HUWE1: variants seen among roughly 807,000 people sequenced by gnomAD.
HUWE1 encodes the protein HECT, UBA and WWE domain containing E3 ubiquitin protein ligase 1, also known as E3 ubiquitin-protein ligase HUWE1.
In HUWE1, 18 loss-of-function variants were observed where a neutral mutation model predicts 299.4. The observed-to-expected ratio is 0.06, with a 90% CI of 0.04 to 0.09. The LOEUF is 0.09. Ranked by LOEUF, HUWE1 falls within the 10% of genes least tolerant of loss-of-function variation. HUWE1 has a pLI of 1.00. For synonymous variants in HUWE1, 1,317 were observed against 1,286.1 expected, an observed-to-expected ratio of 1.02 and a Z score of -0.51; for missense variants, 1,832 against 3,462.3, an observed-to-expected ratio of 0.53 and a Z score of 11.82.
chrX:53,569,576 T>G (rs966722574), intron 48 of HUWE1, 40 bp downstream of exon 48: 2 of 1,136,209 alleles, frequency 1.8e-6, no homozygotes, highest in African/African-American at 3.6e-5. Flanking sequence ...AATAAGGGGA[T>G]GTTCTTGGCT....
At chrX:53,644,649 C>G (rs1190868170) in intron 7 of HUWE1, among the ~76,000 whole-genome samples, 1 of 111,849 alleles carries the variant, frequency 8.9e-6, no homozygotes, top group Non-Finnish European at 1.9e-5. Flanking sequence ...ATCATGGCAC[C>G]TGAATTAGCC....
intron 61 of HUWE1, among the ~76,000 whole-genome samples, chrX:53,554,157 T>A (rs1247958589): frequency 9.0e-6 from 1 of 111,094 alleles, no homozygotes; most frequent in Non-Finnish European, 1.9e-5. Context: ...ACTTACAGAG[T>A]GACTTGGGCT....
intron 61 of HUWE1, among the ~76,000 whole-genome samples, chrX:53,553,496 A>G (rs1556931317): frequency 9.4e-6 from 1 of 106,881 alleles, no homozygotes; most frequent in Non-Finnish European, 1.9e-5. Context: ...GCACGTGCAT[A>G]TCCCTGTAGT....
intron 19 of HUWE1, among the ~76,000 whole-genome samples, chrX:53,621,464 G>C (rs907847983): frequency 9.3e-6 from 1 of 107,442 alleles, no homozygotes; most frequent in Non-Finnish European, 1.9e-5. Context: ...TCTCAAGTGC[G>C]AGCCTAGGGC....
chrX:53,555,241 G>A (rs996029784), intron 60 of HUWE1, among the ~76,000 whole-genome samples: 1 of 111,887 alleles, frequency 8.9e-6, no homozygotes, highest in Non-Finnish European at 1.9e-5. Context: ...TGACCTATAG[G>A]TACACAGAAA....
intron 2 of HUWE1, among the ~76,000 whole-genome samples, chrX:53,680,973 T>C (rs782133313): frequency 9.0e-6 from 1 of 111,433 alleles, no homozygotes; most frequent in East Asian, 2.8e-4. Flanking sequence ...CAGCTAATTG[T>C]GGGATGGTTA....
intron 7 of HUWE1, among the ~76,000 whole-genome samples, chrX:53,643,881 T>G (rs1290586922): frequency 8.9e-6 from 1 of 111,846 alleles, no homozygotes. Flanking sequence ...TAGAATGCAG[T>G]AGCACGATCC....
Position 53,550,776 on chromosome X carries a change from G to T in HUWE1, c.9386-8C>A. 1 of 1,206,497 alleles carries T rather than the reference G, an allele frequency of 8.3e-7. No homozygotes were observed. The highest frequency in any genetic ancestry group is 1.8e-5 in the South Asian group (1 of 56,805). ...TTAAGCGACTGGTGAAAGCTGGAAG[G>T]AAAGAAAAAGAAAACTGAGATTGTG... On this transcript the variant is annotated splice_region_variant and splice_polypyrimidine_tract_variant and intron_variant, in intron 65 of 83. Transcript: ENST00000262854.
At chrX:53,554,304 C>T (rs922058584) in intron 61 of HUWE1, among the ~76,000 whole-genome samples, 1 of 110,309 alleles carries the variant, frequency 9.1e-6, no homozygotes, top group Non-Finnish European at 1.9e-5. Context: ...AATGATCCCC[C>T]TGCCTCAGCC....
intron 68 of HUWE1, among the ~76,000 whole-genome samples, chrX:53,547,144 T>G (rs189773366): frequency 4.5e-5 from 5 of 112,246 alleles, no homozygotes; most frequent in Non-Finnish European, 7.5e-5. Context: ...CTTCCAACTA[T>G]TCCCCCACCA....
chrX:53,591,231 G>C, intron 33 of HUWE1, 109 bp from the exon 34 acceptor site: 1 of 901,851 alleles, frequency 1.1e-6, no homozygotes, highest in Non-Finnish European at 1.6e-6. Flanking sequence ...CTTCATCTGG[G>C]CTGAGAGCAT....
intron 83 of HUWE1, chrX:53,533,696 T>C: frequency 4.6e-6 from 2 of 438,011 alleles, no homozygotes; most frequent in Non-Finnish European, 8.0e-6. Flanking sequence ...TCAGAGTCAC[T>C]GGTAATCGGA....
In HUWE1 at chrX:53,536,174, T is replaced by C. The variant is rs782208503; in HGVS notation, c.12504A>G (p.Leu4168=). 1 of 1,198,656 alleles carries C rather than the reference T, an allele frequency of 8.3e-7. No individual in the cohort carries two copies. Among genetic ancestry groups the C allele is most frequent in the South Asian group, 1.8e-5 (1 of 56,477 alleles). Residue 4168 remains leucine, a synonymous_variant, in exon 80 of 84, where the codon CTA becomes CTG. Coordinates refer to ENST00000262854, the MANE Select transcript of HUWE1 (RefSeq NM_031407.7). ...VYLLENDVST[L]GYDLTFSTEV... ...CAGTGCTGAAGGTGAGGTCATAGCC[T>C]AGTGTGGAGACATCATTTTCCAGCA...
Position 53,548,259 on chromosome X carries a change from G to A in HUWE1, c.10050C>T (p.His3350=). ...TTTCTTTGGTCCGCTGCTGTGTGAA[G>A]TGGCTGGGAAATACCTGCCGGGAAA... ...LIQLAKVFPS[H]FTQQRTKETN... is the part of the protein sequence containing the mutation. Residue 3350 remains histidine, a synonymous_variant, in exon 68 of 84, where the codon CAC becomes CAT. Coordinates refer to ENST00000262854, the MANE Select transcript of HUWE1 (RefSeq NM_031407.7). 2.5e-6 allele frequency: 3 copies of A among 1,209,919 alleles called. No homozygotes were observed. Among genetic ancestry groups the A allele is most frequent in the Non-Finnish European group, 3.4e-6 (3 of 894,401 alleles).
At chrX:53,589,234 G>A (rs2064021469) in intron 36 of HUWE1, among the ~76,000 whole-genome samples, 2 of 111,988 alleles carry the variant, frequency 1.8e-5, no homozygotes, top group Admixed American at 9.5e-5. Flanking sequence ...TTGTTCAAGC[G>A]GCTGTTACAT....
chrX:53,675,379 C>T (rs1569515780), intron 3 of HUWE1, among the ~76,000 whole-genome samples: 1 of 111,673 alleles, frequency 9.0e-6, no homozygotes, highest in Non-Finnish European at 1.9e-5. Context: ...TTGGCTTTCT[C>T]ACATATCAGC....
chrX:53,591,576 T>A (rs1337937320), intron 33 of HUWE1, among the ~76,000 whole-genome samples: 3 of 111,817 alleles, frequency 2.7e-5, no homozygotes, highest in African/African-American at 9.8e-5. Context: ...CAACACAGTG[T>A]TAAAACATCA....
rs1171577774 is a variant in HUWE1 at position 53,578,353 on chromosome X, T to TGG, written c.5717-1288_5717-1287dup. Among the ~76,000 whole-genome samples the TGG allele has an allele frequency of 5.3e-3, 431 of 81,749 alleles. 6 individuals carry two copies. The highest frequency in any genetic ancestry group is 0.02 in the African/African-American group (406 of 20,331). 71.0% of individuals were successfully genotyped at this position (81,749 alleles called of 115,157 possible). On this transcript the variant is annotated intron_variant, in intron 43 of 83. Transcript: ENST00000262854. ...GCAGCCACCCCGTCTGGGAGGGAGG[T>TGG]GGGGGGGGGTCAGCCCCCCGCCCGG...
rs2061614872 is a variant in HUWE1 at position 53,547,873 on chromosome X, C to A, written c.10436G>T (p.Gly3479Val). 8.3e-7 allele frequency: 1 copy of A among 1,207,259 alleles called. No homozygotes were observed. Residue 3479 changes from glycine to valine, a missense_variant, in exon 68 of 84, where the codon GGT (glycine) becomes GTT (valine). Gly to Val is a moderately radical substitution (Grantham distance 109). This residue lies in a region of HUWE1 where 119 missense variants were observed against 124.6 expected (regional missense o/e 0.96). Transcript: ENST00000262854. ...GGTGGCAGTGGTGGTGGAGGAAGCA[C>A]CGCTGCCAGAATTAGCCTGTGCTTC... is the stretch of plus-strand genomic sequence containing the variant. The part of the protein sequence containing the change: ...VSEAQANSGS[G>V]ASSTTTATST...
Sources: allele counts gnomAD v4.1 joint callset (sites outside exome capture counted in the v4.1 genomes callset), GRCh38; gene constraint gnomAD v4.1.1; regional missense constraint gnomAD v4.1.1; transcripts MANE v1.5; gene names NCBI Gene and HGNC (gene_info 2026-07-23, HGNC 2026-07-21).